The following SCIN variants were observed in gnomAD, a reference collection of about 807,000 sequenced individuals.
SCIN encodes adseverin.
In SCIN, 91 loss-of-function variants were observed where a neutral mutation model predicts 91.8. That is an observed-to-expected ratio of 0.99 (90% CI 0.84 to 1.18). The LOEUF is 1.18. Ranked by LOEUF, SCIN falls within the 50% of genes most tolerant of loss-of-function variation. The pLI is 0.00. For synonymous variants in SCIN, 367 were observed against 312.6 expected, an observed-to-expected ratio of 1.17 and a Z score of -1.84; for missense variants, 1,087 against 863.9, an observed-to-expected ratio of 1.26 and a Z score of -3.24.
Position 12,635,660 on chromosome 7 carries a change from G to GCC in SCIN, c.1320-382_1320-381dup, listed in dbSNP as rs548678973. ...AAAAAAAAGGCAAGAAAGACAAAAT[G>GCC]CCCCTAACATTCAACCTAATAAGTT... On this transcript the variant is annotated intron_variant, in intron 9 of 15. Transcript: ENST00000297029. 9.4e-4 allele frequency among the ~76,000 whole-genome samples: 76 copies of GCC among 80,478 alleles called. 1 individual carries two copies. The South Asian group carries it at 0.032, about 34-fold the overall frequency. 52.8% of individuals were successfully genotyped at this position (80,478 alleles called of 152,430 possible). A position where few individuals can be genotyped will look rare whatever the true frequency, so the allele number is the denominator to read the frequency against.
chr7:12,644,472 T>C lies in SCIN; in HGVS notation c.1760-112T>C. 2.0e-6 allele frequency: 3 copies of C among 1,487,348 alleles called. No individual in the cohort carries two copies. The East Asian group carries it at 7.2e-5, about 36-fold the overall frequency. The allele number at this position is 1,487,348 out of a possible 1,614,324, so 92.1% of individuals were successfully genotyped here. On this transcript the variant is annotated intron_variant, in intron 12 of 15. Coordinates refer to ENST00000297029, the MANE Select transcript of SCIN (RefSeq NM_001112706.3). Reference sequence around the variant, plus strand: ...GGGTGGGTGATGGTACCTGATTTCTTTAAGTAATTTCTCAACACTGAAATC... The same window carrying C: ...GGGTGGGTGATGGTACCTGATTTCTCTAAGTAATTTCTCAACACTGAAATC...
chr7:12,583,651 T>C (rs897818458), intron 3 of SCIN, among the ~76,000 whole-genome samples: 3 of 152,130 alleles, frequency 2.0e-5, no homozygotes, highest in Non-Finnish European at 4.4e-5. Flanking sequence ...AAATCATTTA[T>C]TATTTTGCAG....
chr7:12,616,244 T>C (rs1431344728), intron 4 of SCIN, among the ~76,000 whole-genome samples: 2 of 152,114 alleles, frequency 1.3e-5, no homozygotes, highest in African/African-American at 2.4e-5. Flanking sequence ...ATGATCTTTA[T>C]GGACCCAGCA....
chr7:12,645,549 T>G (rs1444149753), intron 13 of SCIN, among the ~76,000 whole-genome samples: 1 of 152,134 alleles, frequency 6.6e-6, no homozygotes, highest in Non-Finnish European at 1.5e-5. Flanking sequence ...ATAGGTAAAC[T>G]TGTGTTGTGG....
At position 12,654,405 on chromosome 7, in the gene SCIN, C is replaced by G. The variant is rs1237102724; in HGVS notation, c.*1690C>G. The G allele has an allele frequency of 1.3e-5, 2 of 152,072 alleles. No individual in the cohort carries two copies. Among genetic ancestry groups the G allele is most frequent in the Non-Finnish European group, 2.9e-5 (2 of 68,012 alleles). 9.4% of individuals were successfully genotyped at this position (152,072 alleles called of 1,614,324 possible). A position where few individuals can be genotyped will look rare whatever the true frequency, so the allele number is the denominator to read the frequency against. ...TGACATTTGCCTAAAGGAAAATTTACCTAAAAAGGCGTTTTCTTGCTATGG... is the reference window on the plus strand; with the variant it reads ...TGACATTTGCCTAAAGGAAAATTTAGCTAAAAAGGCGTTTTCTTGCTATGG... On this transcript the variant is annotated 3_prime_UTR_variant, in exon 16 of 16. Coordinates refer to ENST00000297029, the MANE Select transcript of SCIN (RefSeq NM_001112706.3).
At chr7:12,585,854 C>A (rs17166200) in intron 3 of SCIN, among the ~76,000 whole-genome samples, 1 of 152,208 alleles carries the variant, frequency 6.6e-6, no homozygotes, top group Non-Finnish European at 1.5e-5. Flanking sequence ...TGCTAGAATA[C>A]TCGCCTCTTA....
chr7:12,640,465 C>CACG lies in SCIN; in HGVS notation c.1530_1532dup (p.Arg511dup). Reference sequence around the variant, plus strand: ...GGAGGTCAGGCACCTGCTCCCCCTACACGCCTCTTTCAAGTCCGGAGAAAC... The same window carrying CACG: ...GGAGGTCAGGCACCTGCTCCCCCTACACGACGCCTCTTTCAAGTCCGGAGAAAC... On this transcript the variant is annotated inframe_insertion, in exon 11 of 16. Transcript: ENST00000297029. The CACG allele has an allele frequency of 6.2e-7, 1 of 1,613,212 alleles. No homozygotes were observed. Among genetic ancestry groups the CACG allele is most frequent in the Non-Finnish European group, 8.5e-7 (1 of 1,179,548 alleles).
chr7:12,629,783 C>T (rs1354339044), intron 9 of SCIN, among the ~76,000 whole-genome samples: 2 of 152,016 alleles, frequency 1.3e-5, no homozygotes, highest in African/African-American at 2.4e-5. Flanking sequence ...TTTGCCAATG[C>T]CCTGCTCAAG....
In SCIN at chr7:12,636,655, T is replaced by C. The variant is rs548246959; in HGVS notation, c.1410+520T>C. 7.2e-5 allele frequency among the ~76,000 whole-genome samples: 11 copies of C among 152,212 alleles called. No individual in the cohort carries two copies. The South Asian group carries it at 2.1e-3, about 29-fold the overall frequency. On this transcript the variant is annotated intron_variant, in intron 10 of 15. Transcript: ENST00000297029. ...GGCCTAGCGTAATCACCAGGGTCCT[T>C]GTAAGTAAAACAGAAGCCAGACAGA...
chr7:12,593,521 A>C (rs1156733080), intron 3 of SCIN, among the ~76,000 whole-genome samples: 1 of 152,172 alleles, frequency 6.6e-6, no homozygotes, highest in Non-Finnish European at 1.5e-5. Context: ...ATAATAATTA[A>C]AAAATAAATA....
rs114684463 is a variant in SCIN at position 12,617,896 on chromosome 7, A to C, written c.667-4905A>C. ...CCAGTGAAAACAACTGCTCTTGTTT[A>C]ATAAGTTGGCATTCTGGCTTATGGC... is the stretch of plus-strand genomic sequence containing the variant. On this transcript the variant is annotated intron_variant, in intron 4 of 15. Transcript: ENST00000297029. 1.2e-3 allele frequency among the ~76,000 whole-genome samples: 190 copies of C among 152,292 alleles called. 1 individual carries two copies. Among genetic ancestry groups the C allele is most frequent in the African/African-American group, 4.3e-3 (177 of 41,568 alleles).
intron 9 of SCIN, among the ~76,000 whole-genome samples, chr7:12,635,537 G>T (rs28677817): frequency 6.8e-6 from 1 of 147,986 alleles, no homozygotes; most frequent in African/African-American, 2.5e-5. Context: ...GCTTGAAGCC[G>T]GGAGGTGGAG....
chr7:12,600,779 C>G (rs965486106), intron 3 of SCIN, among the ~76,000 whole-genome samples: 1 of 152,086 alleles, frequency 6.6e-6, no homozygotes, highest in African/African-American at 2.4e-5. Context: ...CACAGCTGCC[C>G]AGAACACACC....
intron 13 of SCIN, among the ~76,000 whole-genome samples, chr7:12,648,203 T>G (rs1170713746): frequency 5.3e-5 from 8 of 152,124 alleles, no homozygotes; most frequent in African/African-American, 1.9e-4. Flanking sequence ...AAAAAAAATT[T>G]TGTACATGCA....
At chr7:12,611,900 G>T (rs1355229857) in intron 4 of SCIN, among the ~76,000 whole-genome samples, 2 of 150,340 alleles carry the variant, frequency 1.3e-5, no homozygotes, top group Non-Finnish European at 3.0e-5. Context: ...TCCAGCCTGG[G>T]CAACATAAAG....
At position 12,620,474 on chromosome 7, in the gene SCIN, T is replaced by C. The variant is rs140219760; in HGVS notation, c.667-2327T>C. On this transcript the variant is annotated intron_variant, in intron 4 of 15. Transcript: ENST00000297029. ...TTTATCTTTTTGTGTCTGGCTTATT[T>C]CACTTAGCATAATATACAATAGGTT... Among the ~76,000 whole-genome samples, 134 of 152,226 alleles carry C rather than the reference T, an allele frequency of 8.8e-4. 1 individual carries two copies. In the East Asian group the frequency reaches 0.018, roughly 21 times the overall value.
At chr7:12,635,134 C>A (rs1783722009) in intron 9 of SCIN, among the ~76,000 whole-genome samples, 1 of 151,652 alleles carries the variant, frequency 6.6e-6, no homozygotes, top group Admixed American at 6.6e-5. Flanking sequence ...CACGCCACTG[C>A]CCTCCAGCCT....
intron 3 of SCIN, among the ~76,000 whole-genome samples, chr7:12,597,645 A>AT (rs1165721837): frequency 1.3e-5 from 2 of 152,164 alleles, no homozygotes; most frequent in Non-Finnish European, 2.9e-5. Flanking sequence ...GAAACCTCTG[A>AT]TTTTCAAGAC....
At chr7:12,627,118 A>G (rs939540519) in intron 8 of SCIN, among the ~76,000 whole-genome samples, 1 of 152,076 alleles carries the variant, frequency 6.6e-6, no homozygotes, top group Non-Finnish European at 1.5e-5. Flanking sequence ...ACACACATAA[A>G]TGTGTATATA....
Sources: gnomAD v4.1 joint callset for allele counts (sites outside exome capture counted in the v4.1 genomes callset) on GRCh38, gnomAD v4.1.1 for gene constraint, MANE v1.5 for transcripts, NCBI Gene and HGNC (gene_info 2026-07-23, HGNC 2026-07-21) for gene names.